Variants in MRPS35 observed in about 807,000 individuals in gnomAD.
MRPS35 encodes the protein small ribosomal subunit protein mS35.
Under a neutral mutation model 32.7 loss-of-function variants are expected in MRPS35, and 29 were observed. The observed-to-expected ratio is 0.89, with a 90% CI of 0.66 to 1.21. The LOEUF is 1.21. MRPS35 is among the 50% of genes most tolerant of loss of function. The probability of loss-of-function intolerance (pLI) is 0.00; values close to 1 mark genes in which losing one functional copy is unlikely to be tolerated. For missense variants in MRPS35, 373 were observed against 383.8 expected (o/e 0.97, Z 0.23); for synonymous variants, 148 against 139.3 (o/e 1.06, Z -0.44).
chr12:27,713,315 G>A (rs969237928), intron 1 of MRPS35, among the ~76,000 whole-genome samples: 3 of 152,182 alleles, frequency 2.0e-5, no homozygotes, highest in African/African-American at 7.2e-5. Context: ...GGATAGGATA[G>A]ATGTAGATGT....
intron 7 of MRPS35, among the ~76,000 whole-genome samples, chr12:27,738,058 A>G (rs1330618127): frequency 1.3e-5 from 2 of 152,196 alleles, no homozygotes; most frequent in Non-Finnish European, 2.9e-5. Flanking sequence ...ACTGTTATGC[A>G]TTAGGTAGAA....
intron 3 of MRPS35, among the ~76,000 whole-genome samples, chr12:27,719,158 G>A (rs2061862882): frequency 6.6e-6 from 1 of 152,128 alleles, no homozygotes; most frequent in Non-Finnish European, 1.5e-5. Context: ...AAATATACAT[G>A]TATACCTGTA....
Position 27,716,274 on chromosome 12 carries a change from G to C in MRPS35, c.154-17G>C. 1 of 1,518,644 alleles carries C rather than the reference G, an allele frequency of 6.6e-7. No individual in the cohort carries two copies. 94.1% of individuals were successfully genotyped at this position (1,518,644 alleles called of 1,614,324 possible). A position where few individuals can be genotyped will look rare whatever the true frequency, so the allele number is the denominator to read the frequency against. On this transcript the variant is annotated splice_polypyrimidine_tract_variant and intron_variant, in intron 2 of 7. Coordinates refer to ENST00000081029, the MANE Select transcript of MRPS35 (RefSeq NM_021821.4). The stretch of plus-strand genomic sequence containing the variant: ...TGTGTTTATATTTAAAATACTAAAC[G>C]ATTTTATATTTCTTAGGCACTACCT...
At chr12:27,735,954 TG>T (rs1291369834) in intron 6 of MRPS35, among the ~76,000 whole-genome samples, 1 of 152,202 alleles carries the variant, frequency 6.6e-6, no homozygotes, top group Non-Finnish European at 1.5e-5. Context: ...TGGAAATTGA[TG>T]AAGGCACATT....
At chr12:27,719,995 GC>G in intron 4 of MRPS35, 127 bp downstream of exon 4, 1 of 683,074 alleles carries the variant, frequency 1.5e-6, no homozygotes, top group Non-Finnish European at 2.5e-6. Context: ...TGTCAAGTCT[GC>G]AAATTGTTTT....
chr12:27,748,789 G>T (rs774364525), intron 7 of MRPS35, among the ~76,000 whole-genome samples: 15 of 151,934 alleles, frequency 9.9e-5, no homozygotes, highest in Non-Finnish European at 1.9e-4. Context: ...TCCCACCTTA[G>T]CCTTCTGGCT....
chr12:27,745,420 C>A (rs1185577112), intron 7 of MRPS35, among the ~76,000 whole-genome samples: 1 of 152,110 alleles, frequency 6.6e-6, no homozygotes, highest in Non-Finnish European at 1.5e-5. Context: ...CTTTGACTTT[C>A]AAAATGTTAT....
chr12:27,716,375 GCA>G lies in MRPS35; in HGVS notation c.239_240del (p.Ala80GlyfsTer40). On this transcript the variant is annotated frameshift_variant, in exon 3 of 8. Transcript: ENST00000081029. LOFTEE classifies it high-confidence loss of function. ...YPVAAPFKPS[A>X]VPLPVRMGYP... Reference sequence around the variant, plus strand: ...AGTTGCAGCACCATTTAAACCCTCTGCAGTACCTCTTCCTGTTCGAATGGGTT... The same window carrying G: ...AGTTGCAGCACCATTTAAACCCTCTGGTACCTCTTCCTGTTCGAATGGGTT... The G allele has an allele frequency of 6.2e-7, 1 of 1,614,164 alleles. No individual in the cohort carries two copies. Among genetic ancestry groups the G allele is most frequent in the Non-Finnish European group, 8.5e-7 (1 of 1,180,040 alleles).
At chr12:27,725,091 A>T (rs1277074607) in intron 5 of MRPS35, among the ~76,000 whole-genome samples, 1 of 151,956 alleles carries the variant, frequency 6.6e-6, no homozygotes, top group Non-Finnish European at 1.5e-5. Context: ...ATTTTCTTAA[A>T]TTTTTTGTAG....
chr12:27,715,296 T>C (rs1187242553), intron 2 of MRPS35, among the ~76,000 whole-genome samples: 1 of 152,136 alleles, frequency 6.6e-6, no homozygotes, highest in Non-Finnish European at 1.5e-5. Flanking sequence ...CCTCCATGCC[T>C]GGCTAATTTT....
intron 5 of MRPS35, among the ~76,000 whole-genome samples, chr12:27,732,786 G>A (rs1024885545): frequency 2.6e-5 from 4 of 151,954 alleles, no homozygotes; most frequent in African/African-American, 7.3e-5. Flanking sequence ...TGTTCTTGAG[G>A]AAACTGAGTC....
chr12:27,752,306 A>C (rs1370636700), intron 7 of MRPS35, among the ~76,000 whole-genome samples: 1 of 152,198 alleles, frequency 6.6e-6, no homozygotes, highest in Non-Finnish European at 1.5e-5. Flanking sequence ...ATATCTTGGC[A>C]TACCTGTAAT....
chr12:27,717,462 G>A (rs2061855416), intron 3 of MRPS35, among the ~76,000 whole-genome samples: 1 of 152,148 alleles, frequency 6.6e-6, no homozygotes, highest in Non-Finnish European at 1.5e-5. Flanking sequence ...CTTAGTCTGG[G>A]AATGCATATC....
chr12:27,748,296 T>C (rs7968601), intron 7 of MRPS35, among the ~76,000 whole-genome samples: 74,029 of 151,956 alleles, frequency 0.49, 18,167 homozygotes, highest in Admixed American at 0.58. Flanking sequence ...AGTTGTGCAA[T>C]AAATATTTAT....
At chr12:27,716,519 C>T (rs2061851791) in intron 3 of MRPS35, 61 bp downstream of exon 3, 4 of 1,557,100 alleles carry the variant, frequency 2.6e-6, no homozygotes, top group African/African-American at 1.4e-5. Context: ...TGATCTTCCC[C>T]CCTATTTCTG....
intron 3 of MRPS35, among the ~76,000 whole-genome samples, chr12:27,717,809 CATTT>C (rs1363780099): frequency 6.6e-6 from 1 of 152,186 alleles, no homozygotes; most frequent in Non-Finnish European, 1.5e-5. Context: ...AAAATCCAAA[CATTT>C]AATGCATGCC....
intron 5 of MRPS35, among the ~76,000 whole-genome samples, chr12:27,728,556 C>T (rs2061909203): frequency 6.6e-6 from 1 of 152,084 alleles, no homozygotes; most frequent in Non-Finnish European, 1.5e-5. Flanking sequence ...TCCCAAATAT[C>T]ATCTAAAATA....
intron 1 of MRPS35, 120 bp downstream of exon 1, chr12:27,711,075 T>C (rs2061818845): frequency 1.2e-6 from 1 of 848,002 alleles, no homozygotes; most frequent in South Asian, 1.5e-5. Flanking sequence ...GTGCGTCCGC[T>C]GCCAGGCCCG....
chr12:27,731,041 C>G (rs973850291), intron 5 of MRPS35, among the ~76,000 whole-genome samples: 1 of 152,202 alleles, frequency 6.6e-6, no homozygotes, highest in Non-Finnish European at 1.5e-5. Flanking sequence ...AGTATGGACT[C>G]ATGGATATTT....
Sources: allele counts gnomAD v4.1 joint callset (sites outside exome capture counted in the v4.1 genomes callset), GRCh38; gene constraint gnomAD v4.1.1; transcripts MANE v1.5; gene names NCBI Gene and HGNC (gene_info 2026-07-23, HGNC 2026-07-21).